Variants in CNTNAP2 observed in about 807,000 individuals in gnomAD.
CNTNAP2 encodes the protein contactin associated protein 2.
CNTNAP2 carries 98 observed loss-of-function variants against 155.2 expected under a neutral mutation model. The ratio of observed to expected loss-of-function variants is 0.63; its 90% confidence interval spans 0.54 to 0.75. CNTNAP2 has a LOEUF of 0.75. CNTNAP2 is among the 30% of genes least tolerant of loss of function. The probability of loss-of-function intolerance (pLI) is 0.00; values close to 1 mark genes in which losing one functional copy is unlikely to be tolerated. For synonymous variants in CNTNAP2, 651 were observed against 631.2 expected (o/e 1.03, Z -0.47); for missense variants, 1,727 against 1,688.1 (o/e 1.02, Z -0.40).
intron 10 of CNTNAP2, among the ~76,000 whole-genome samples, chr7:147,472,326 C>T (rs897457406): frequency 4.0e-5 from 6 of 150,528 alleles, no homozygotes; most frequent in East Asian, 3.9e-4. Context: ...GATTCTCCTG[C>T]GTAAGCCTCC....
chr7:148,223,309 A>G (rs1427250185), intron 19 of CNTNAP2, among the ~76,000 whole-genome samples: 1 of 152,120 alleles, frequency 6.6e-6, no homozygotes, highest in African/African-American at 2.4e-5. Context: ...CTGTATTGTT[A>G]TCTGTCTCTG....
chr7:146,689,544 ATCTG>A (rs1312212169), intron 1 of CNTNAP2, among the ~76,000 whole-genome samples: 1 of 152,098 alleles, frequency 6.6e-6, no homozygotes, highest in Non-Finnish European at 1.5e-5. Context: ...TCTTTCATTT[ATCTG>A]TCTGTACCTC....
chr7:148,331,317 CATGGAATGGACGG>C (rs1285532128), intron 21 of CNTNAP2, among the ~76,000 whole-genome samples: 7 of 22,104 alleles, frequency 3.2e-4, no homozygotes, highest in Admixed American at 4.2e-4. Flanking sequence ...GGAGTGGACG[CATGGAATGGACGG>C]ATGGAATGGA....
intron 1 of CNTNAP2, among the ~76,000 whole-genome samples, chr7:146,160,527 T>G (rs187108564): frequency 7.9e-5 from 12 of 152,178 alleles, no homozygotes; most frequent in Non-Finnish European, 1.3e-4. Flanking sequence ...GGGGATATCA[T>G]TGATCTCACA....
In CNTNAP2 at chr7:146,952,751, A is replaced by G. The variant is rs192626956; in HGVS notation, c.403-91156A>G. On this transcript the variant is annotated intron_variant, in intron 3 of 23. Coordinates refer to ENST00000361727, the MANE Select transcript of CNTNAP2 (RefSeq NM_014141.6). ...GTGAAGGACCTCTTTAAGGAGAACT[A>G]CAAACCACAGCTCAAGGAAATAAGA... Among the ~76,000 whole-genome samples the G allele has an allele frequency of 2.2e-3, 334 of 152,256 alleles. 1 individual carries two copies. The highest frequency in any genetic ancestry group is 4.1e-3 in the Non-Finnish European group (278 of 67,994).
chr7:147,932,388 G>A lies in CNTNAP2; in HGVS notation c.2255+28667G>A, dbSNP rs7779626. 2.6e-5 allele frequency among the ~76,000 whole-genome samples: 4 copies of A among 151,944 alleles called. No individual in the cohort carries two copies. In the East Asian group the frequency reaches 5.8e-4, roughly 22 times the overall value. Reference sequence around the variant, plus strand: ...CAGCTTTATAGACCAGTGGAAAGAGGGCCCAGAAATAAACCTGTGCATATA... The same window carrying A: ...CAGCTTTATAGACCAGTGGAAAGAGAGCCCAGAAATAAACCTGTGCATATA... On this transcript the variant is annotated intron_variant, in intron 14 of 23. Transcript: ENST00000361727.
chr7:147,071,339 AG>A, intron 4 of CNTNAP2, among the ~76,000 whole-genome samples: 1 of 151,704 alleles, frequency 6.6e-6, no homozygotes, highest in Middle Eastern at 3.4e-3. Context: ...AAAAAAAAAA[AG>A]ATGTATACAT....
intron 3 of CNTNAP2, among the ~76,000 whole-genome samples, chr7:146,916,779 C>A (rs1163255920): frequency 6.6e-6 from 1 of 151,912 alleles, no homozygotes; most frequent in East Asian, 1.9e-4. Context: ...CTTTTTGTAT[C>A]ATTTATCTTT....
intron 1 of CNTNAP2, among the ~76,000 whole-genome samples, chr7:146,496,358 T>C (rs138496978): frequency 2.2e-4 from 33 of 152,310 alleles, no homozygotes; most frequent in African/African-American, 7.9e-4. Flanking sequence ...TCCTTGAGTT[T>C]ATAAAATTGA....
intron 1 of CNTNAP2, among the ~76,000 whole-genome samples, chr7:146,474,993 G>A (rs568908385): frequency 2.3e-5 from 3 of 128,764 alleles, no homozygotes; most frequent in South Asian, 2.4e-4. Context: ...CTGAGCACGA[G>A]CGCGCACGCG....
At chr7:147,857,927 T>C (rs1205489470) in intron 13 of CNTNAP2, among the ~76,000 whole-genome samples, 1 of 152,142 alleles carries the variant, frequency 6.6e-6, no homozygotes, top group African/African-American at 2.4e-5. Flanking sequence ...CAATATCAAT[T>C]CCCTTCAGAG....
intron 13 of CNTNAP2, among the ~76,000 whole-genome samples, chr7:147,654,827 T>TTTTTTTTTTTC (rs1563040484): frequency 7.0e-6 from 1 of 142,900 alleles, no homozygotes; most frequent in African/African-American, 2.7e-5. Context: ...TTTTTTTTTT[T>TTTTTTTTTTTC]TTTTGAGACT....
At chr7:147,875,898 A>C (rs1799412992) in intron 13 of CNTNAP2, among the ~76,000 whole-genome samples, 1 of 152,200 alleles carries the variant, frequency 6.6e-6, no homozygotes. Context: ...ACAATTAAGG[A>C]GTATTCTTCA....
At chr7:146,333,185 T>G (rs961405697) in intron 1 of CNTNAP2, among the ~76,000 whole-genome samples, 2 of 152,088 alleles carry the variant, frequency 1.3e-5, no homozygotes, top group African/African-American at 4.8e-5. Context: ...CCTCAAATAA[T>G]CCACCCGCCT....
At chr7:147,356,647 T>A (rs1431535341) in intron 9 of CNTNAP2, among the ~76,000 whole-genome samples, 1 of 152,142 alleles carries the variant, frequency 6.6e-6, no homozygotes, top group African/African-American at 2.4e-5. Context: ...GGAACACAAA[T>A]GATATTATAG....
Position 147,606,714 on chromosome 7 carries a change from G to A in CNTNAP2, c.1898-32392G>A, listed in dbSNP as rs78557938. Among the ~76,000 whole-genome samples, 326 of 152,240 alleles carry A rather than the reference G, an allele frequency of 2.1e-3. 9 individuals are homozygous for A. The South Asian group carries it at 0.029, about 14-fold the overall frequency. On this transcript the variant is annotated intron_variant, in intron 12 of 23. Transcript: ENST00000361727. ...AGACACTGTGATAAATGCAAACACA[G>A]ACATAAACATAGGTTGTTAGGGAAG...
At chr7:148,028,501 G>A (rs1021351923) in intron 15 of CNTNAP2, among the ~76,000 whole-genome samples, 6 of 152,144 alleles carry the variant, frequency 3.9e-5, no homozygotes, top group African/African-American at 7.2e-5. Flanking sequence ...ACTTGAGTCC[G>A]GGAGGTCAAG....
chr7:148,374,108 A>G (rs1798938683), intron 21 of CNTNAP2, among the ~76,000 whole-genome samples: 1 of 152,134 alleles, frequency 6.6e-6, no homozygotes, highest in Non-Finnish European at 1.5e-5. Flanking sequence ...TGACTGGCTC[A>G]TGGCCCTGGG....
intron 18 of CNTNAP2, among the ~76,000 whole-genome samples, chr7:148,174,711 T>C (rs1562984214): frequency 6.6e-6 from 1 of 152,208 alleles, no homozygotes; most frequent in Non-Finnish European, 1.5e-5. Context: ...ACTGTGGTTA[T>C]TTTTTGCAGG....
Sources: allele counts gnomAD v4.1 joint callset (sites outside exome capture counted in the v4.1 genomes callset), GRCh38; gene constraint gnomAD v4.1.1; transcripts MANE v1.5; gene names NCBI Gene and HGNC (gene_info 2026-07-23, HGNC 2026-07-21).